LSM14A: variants seen among roughly 807,000 people sequenced by gnomAD.
LSM14A encodes protein LSM14 homolog A.
A neutral mutation model predicts 52.4 loss-of-function variants in LSM14A; 14 were observed. That is an observed-to-expected ratio of 0.27 (90% CI 0.18 to 0.42). The LOEUF is 0.42. LSM14A is among the 10% of genes least tolerant of loss of function. The probability of loss-of-function intolerance (pLI) is 1.00; values close to 1 mark genes in which losing one functional copy is unlikely to be tolerated. For missense variants in LSM14A, 417 were observed against 581.8 expected (o/e 0.72, Z 2.91); for synonymous variants, 185 against 200.3 (o/e 0.92, Z 0.64).
At position 34,203,205 on chromosome 19, in the gene LSM14A, G is replaced by A. The variant is rs1336277587; in HGVS notation, c.416-5724G>A. ...AAGTAATTCTATAGCAAGGATTACA[G>A]TGAAGAAACATGGAGCAATTAGATG... On this transcript the variant is annotated intron_variant, in intron 3 of 9. Coordinates refer to ENST00000544216, the MANE Select transcript of LSM14A (RefSeq NM_015578.4). Among the ~76,000 whole-genome samples the A allele has an allele frequency of 1.2e-4, 17 of 147,232 alleles. No individual in the cohort carries two copies. In the South Asian group the frequency reaches 2.0e-3, roughly 17 times the overall value.
chr19:34,202,218 T>G (rs2071348965), intron 3 of LSM14A, among the ~76,000 whole-genome samples: 1 of 150,640 alleles, frequency 6.6e-6, no homozygotes, highest in African/African-American at 2.4e-5. Context: ...CCTGCTCTGC[T>G]GCCCAGCCTG....
intron 9 of LSM14A, among the ~76,000 whole-genome samples, chr19:34,224,325 C>T (rs768364009): frequency 1.4e-4 from 22 of 152,060 alleles, no homozygotes; most frequent in Non-Finnish European, 2.5e-4. Context: ...AGCAAGACTC[C>T]GTCTCAAAAA....
At chr19:34,205,758 G>T (rs2071650649) in intron 3 of LSM14A, among the ~76,000 whole-genome samples, 1 of 151,746 alleles carries the variant, frequency 6.6e-6, no homozygotes, top group South Asian at 2.1e-4. Context: ...GTAGTAGAGG[G>T]GGAAGAAAAT....
rs2072923591 is a variant in LSM14A at position 34,219,701 on chromosome 19, C to T, written c.965-5C>T. ...GACTTTTCTGATATGTGCTTTTGTT[C>T]TTAGAAGATAAACTTGAGAAACAGG... On this transcript the variant is annotated splice_polypyrimidine_tract_variant and splice_region_variant and intron_variant, in intron 7 of 9. Transcript: ENST00000544216. 1 of 1,603,258 alleles carries T rather than the reference C, an allele frequency of 6.2e-7. No homozygotes were observed. Among genetic ancestry groups the T allele is most frequent in the East Asian group, 2.2e-5 (1 of 44,762 alleles).
At chr19:34,200,340 AAACTT>A (rs1221022229) in intron 3 of LSM14A, among the ~76,000 whole-genome samples, 4 of 152,236 alleles carry the variant, frequency 2.6e-5, no homozygotes, top group African/African-American at 9.6e-5. Flanking sequence ...GAGAAAAAGA[AAACTT>A]AAAAAGTTGG....
intron 1 of LSM14A, among the ~76,000 whole-genome samples, chr19:34,177,540 C>A (rs2069166919): frequency 1.3e-5 from 2 of 152,098 alleles, no homozygotes; most frequent in East Asian, 1.9e-4. Flanking sequence ...AACCATATGG[C>A]CTAGTTTGCC....
intron 3 of LSM14A, among the ~76,000 whole-genome samples, chr19:34,202,423 G>A (rs2071366882): frequency 6.6e-6 from 1 of 150,442 alleles, no homozygotes; most frequent in Non-Finnish European, 1.5e-5. Flanking sequence ...AGCCTGAGAG[G>A]TAGAGGTTGC....
At chr19:34,194,146 C>A (rs1275203795) in intron 1 of LSM14A, among the ~76,000 whole-genome samples, 1 of 152,080 alleles carries the variant, frequency 6.6e-6, no homozygotes, top group Admixed American at 6.5e-5. Context: ...GCACTCCAGC[C>A]TAGGGGACAG....
At chr19:34,198,941 C>T (rs1395212879) in intron 3 of LSM14A, among the ~76,000 whole-genome samples, 2 of 151,642 alleles carry the variant, frequency 1.3e-5, no homozygotes, top group Non-Finnish European at 2.9e-5. Context: ...GAGCCAAGAT[C>T]GTACCACTGC....
At chr19:34,219,975 G>A in intron 8 of LSM14A, 98 bp downstream of exon 8, 2 of 840,832 alleles carry the variant, frequency 2.4e-6, no homozygotes, top group East Asian at 5.1e-5. Flanking sequence ...TACCATAATT[G>A]TTTTGTTTTG....
At chr19:34,196,795 T>G (rs2070872676) in intron 3 of LSM14A, 32 bp downstream of exon 3, 2 of 1,575,114 alleles carry the variant, frequency 1.3e-6, no homozygotes, top group Non-Finnish European at 1.7e-6. Flanking sequence ...TTTTTTTGTT[T>G]TTGTATTCTT....
chr19:34,192,316 GTTGTTTTTTTTTTTT>G (rs2070446867), intron 1 of LSM14A, among the ~76,000 whole-genome samples: 1 of 65,822 alleles, frequency 1.5e-5, no homozygotes, highest in Non-Finnish European at 2.9e-5. Flanking sequence ...CATTCTTTTT[GTTGTTTTTTTTTTTT>G]TTTTTTTTTT....
At chr19:34,200,045 C>T (rs1280483110) in intron 3 of LSM14A, among the ~76,000 whole-genome samples, 1 of 152,118 alleles carries the variant, frequency 6.6e-6, no homozygotes, top group Non-Finnish European at 1.5e-5. Flanking sequence ...TATGTGTCTC[C>T]TGTTGTGATG....
intron 8 of LSM14A, among the ~76,000 whole-genome samples, chr19:34,220,826 A>G (rs2073010073): frequency 6.6e-6 from 1 of 152,136 alleles, no homozygotes; most frequent in African/African-American, 2.4e-5. Context: ...CCCACCTTCC[A>G]TCTCCTAGCT....
At chr19:34,211,516 T>C (rs1203806765) in intron 4 of LSM14A, among the ~76,000 whole-genome samples, 1 of 151,982 alleles carries the variant, frequency 6.6e-6, no homozygotes. Context: ...TATTGCTAGA[T>C]AGAAGAACAA....
chr19:34,183,245 G>C (rs2069630402), intron 1 of LSM14A, among the ~76,000 whole-genome samples: 1 of 152,042 alleles, frequency 6.6e-6, no homozygotes, highest in South Asian at 2.1e-4. Context: ...CTACGTGAGA[G>C]GGACTTTTAA....
At chr19:34,212,038 A>C (rs1271174765) in intron 4 of LSM14A, among the ~76,000 whole-genome samples, 1 of 152,168 alleles carries the variant, frequency 6.6e-6, no homozygotes, top group African/African-American at 2.4e-5. Context: ...GGCAGGCAGA[A>C]ACAGATCCGA....
At chr19:34,193,131 T>C (rs999774518) in intron 1 of LSM14A, among the ~76,000 whole-genome samples, 3 of 152,338 alleles carry the variant, frequency 2.0e-5, no homozygotes, top group South Asian at 2.1e-4. Flanking sequence ...CTGAAACTTA[T>C]GTATTTATAA....
chr19:34,191,465 T>C (rs1045616886), intron 1 of LSM14A, among the ~76,000 whole-genome samples: 1 of 152,182 alleles, frequency 6.6e-6, no homozygotes, highest in Non-Finnish European at 1.5e-5. Context: ...GCCTTTTTTC[T>C]TTATTTTGAT....
Sources: gnomAD v4.1 joint callset for allele counts (sites outside exome capture counted in the v4.1 genomes callset) on GRCh38, gnomAD v4.1.1 for gene constraint, MANE v1.5 for transcripts, NCBI Gene and HGNC (gene_info 2026-07-23, HGNC 2026-07-21) for gene names.